Variants in IGF1R observed in about 807,000 individuals in gnomAD.
The protein encoded by IGF1R is insulin like growth factor 1 receptor.
A neutral mutation model predicts 144.6 loss-of-function variants in IGF1R; 44 were observed. That is an observed-to-expected ratio of 0.30 (90% CI 0.24 to 0.39). The LOEUF (loss-of-function observed/expected upper bound fraction) is 0.39. Among genes scored for constraint, IGF1R ranks in the 10% least tolerant of loss-of-function variants. The pLI is 1.00. For synonymous variants in IGF1R, 795 were observed against 722.8 expected (o/e 1.10, Z -1.60); for missense variants, 1,355 against 1,833.7 (o/e 0.74, Z 4.77).
chr15:98,797,782 A>G (rs895691085), intron 2 of IGF1R, among the ~76,000 whole-genome samples: 2 of 152,248 alleles, frequency 1.3e-5, no homozygotes, highest in East Asian at 3.8e-4. Context: ...CATTCTCCAA[A>G]TGGAAAACAA....
rs559027777 is a variant in IGF1R, at chr15:98,912,682, C to T, written c.1590-362C>T. Among the ~76,000 whole-genome samples, 22 of 152,316 alleles carry T rather than the reference C, an allele frequency of 1.4e-4. No individual in the cohort carries two copies. The South Asian group carries it at 3.7e-3, about 26-fold the overall frequency. On this transcript the variant is annotated intron_variant, in intron 7 of 20. Transcript: ENST00000650285. ...GAAAGTCATTTTTCTCCAACAGTTA[C>T]CTTCTTTCAATATCTGATATTTGCA... is the stretch of plus-strand genomic sequence containing the variant.
intron 2 of IGF1R, among the ~76,000 whole-genome samples, chr15:98,881,676 A>G (rs1226061624): frequency 6.6e-6 from 1 of 151,986 alleles, no homozygotes; most frequent in Non-Finnish European, 1.5e-5. Flanking sequence ...CACCATAAAC[A>G]CGGTGGGGGA....
At chr15:98,934,527 A>T (rs1350861168) in intron 15 of IGF1R, among the ~76,000 whole-genome samples, 1 of 152,244 alleles carries the variant, frequency 6.6e-6, no homozygotes, top group Non-Finnish European at 1.5e-5. Context: ...TTTAAAAACC[A>T]ACTGCTTTCT....
At chr15:98,938,707 TA>T (rs1237247818) in intron 17 of IGF1R, among the ~76,000 whole-genome samples, 2 of 152,200 alleles carry the variant, frequency 1.3e-5, no homozygotes, top group African/African-American at 2.4e-5. Context: ...AAGGATTAAA[TA>T]ATTTATAACG....
At chr15:98,873,699 T>C (rs369595863) in intron 2 of IGF1R, 2 of 152,178 alleles carry the variant, frequency 1.3e-5, no homozygotes, top group African/African-American at 4.8e-5. Context: ...TTTTGCAAGT[T>C]CCAGGGCAAA....
At chr15:98,738,890 CAT>C (rs2054672941) in intron 2 of IGF1R, among the ~76,000 whole-genome samples, 1 of 152,168 alleles carries the variant, frequency 6.6e-6, no homozygotes, top group South Asian at 2.1e-4. Flanking sequence ...TGCTTTTGCA[CAT>C]GTTTTCTCAC....
chr15:98,817,342 G>A (rs907281047), intron 2 of IGF1R, among the ~76,000 whole-genome samples: 4 of 145,820 alleles, frequency 2.7e-5, no homozygotes, highest in Non-Finnish European at 6.0e-5. Context: ...AATAATAATA[G>A]TAAGAATACT....
intron 20 of IGF1R, chr15:98,954,426 A>C (rs1199119880): frequency 6.6e-6 from 1 of 152,280 alleles, no homozygotes; most frequent in African/African-American, 2.4e-5. Flanking sequence ...TGCTTTTTAA[A>C]AGATGAGTTT....
chr15:98,903,411 C>T (rs979035982), intron 5 of IGF1R, among the ~76,000 whole-genome samples: 27 of 152,204 alleles, frequency 1.8e-4, no homozygotes, highest in African/African-American at 5.8e-4. Flanking sequence ...CTGTGCAACA[C>T]GCAGTGCTTT....
chr15:98,808,030 A>C (rs755454053), intron 2 of IGF1R, among the ~76,000 whole-genome samples: 1 of 152,208 alleles, frequency 6.6e-6, no homozygotes, highest in Non-Finnish European at 1.5e-5. Context: ...ATTTCTGTGC[A>C]GTAATGAAGT....
chr15:98,656,063 A>G (rs935869773), intron 1 of IGF1R, among the ~76,000 whole-genome samples: 1 of 152,230 alleles, frequency 6.6e-6, no homozygotes, highest in African/African-American at 2.4e-5. Flanking sequence ...AGTTTCTTTT[A>G]TGGTGAGGGA....
At chr15:98,702,810 C>T (rs533401031) in intron 1 of IGF1R, among the ~76,000 whole-genome samples, 1 of 152,092 alleles carries the variant, frequency 6.6e-6, no homozygotes, top group South Asian at 2.1e-4. Flanking sequence ...TTATGGTGTA[C>T]CCCTGTGGTC....
chr15:98,671,949 G>C (rs1382290071), intron 1 of IGF1R, among the ~76,000 whole-genome samples: 1 of 152,128 alleles, frequency 6.6e-6, no homozygotes, highest in Non-Finnish European at 1.5e-5. Context: ...TAAGTCGAAA[G>C]AACTACAGCT....
intron 2 of IGF1R, among the ~76,000 whole-genome samples, chr15:98,829,525 C>T (rs529833147): frequency 3.7e-4 from 56 of 152,158 alleles, no homozygotes; most frequent in African/African-American, 1.3e-3. Flanking sequence ...CTTCAGAGTG[C>T]GGGTCTGTGG....
chr15:98,877,489 C>CTT (rs5814908), intron 2 of IGF1R, among the ~76,000 whole-genome samples: 14,709 of 85,706 alleles, frequency 0.17, 937 homozygotes, highest in East Asian at 0.27. Flanking sequence ...CACTAGCAGC[C>CTT]TTTTTTTTTT....
chr15:98,897,112 C>T (rs1021928287), intron 4 of IGF1R, among the ~76,000 whole-genome samples: 1 of 152,154 alleles, frequency 6.6e-6, no homozygotes, highest in African/African-American at 2.4e-5. Context: ...TAGCCATTGG[C>T]ACGTCATTTA....
At chr15:98,751,953 T>C (rs2055022853) in intron 2 of IGF1R, among the ~76,000 whole-genome samples, 1 of 152,156 alleles carries the variant, frequency 6.6e-6, no homozygotes, top group Non-Finnish European at 1.5e-5. Context: ...TAATACAGAC[T>C]CTTCACTGTT....
chr15:98,872,083 T>C (rs1273753633), intron 2 of IGF1R, among the ~76,000 whole-genome samples: 2 of 152,204 alleles, frequency 1.3e-5, no homozygotes, highest in African/African-American at 2.4e-5. Context: ...CCCTTCACAA[T>C]AGCATCTGAA....
chr15:98,730,951 CAG>C (rs1158660701), intron 2 of IGF1R, among the ~76,000 whole-genome samples: 1 of 152,156 alleles, frequency 6.6e-6, no homozygotes, highest in Non-Finnish European at 1.5e-5. Context: ...GGAGTGGAAA[CAG>C]ATAACATTTG....
Sources: gnomAD v4.1 joint callset for allele counts (sites outside exome capture counted in the v4.1 genomes callset) on GRCh38, gnomAD v4.1.1 for gene constraint, MANE v1.5 for transcripts, NCBI Gene and HGNC (gene_info 2026-07-23, HGNC 2026-07-21) for gene names.